Variants in RCC2 observed in about 807,000 individuals in gnomAD.
The protein encoded by RCC2 is protein RCC2.
Under a neutral mutation model 64.1 loss-of-function variants are expected in RCC2, and 19 were observed. The ratio of observed to expected loss-of-function variants is 0.30; its 90% CI spans 0.21 to 0.44. The LOEUF (loss-of-function observed/expected upper bound fraction) is 0.44, where lower values mean the gene tolerates loss of function less well. Among genes scored for constraint, RCC2 ranks in the 20% least tolerant of loss-of-function variants. The pLI is 1.00. For missense variants in RCC2, 508 were observed against 710.4 expected (o/e 0.72, Z 3.24); for synonymous variants, 325 against 279.6 (o/e 1.16, Z -1.62).
chr1:17,433,007 C>A (rs541098187), intron 2 of RCC2, among the ~76,000 whole-genome samples: 6 of 152,020 alleles, frequency 3.9e-5, no homozygotes, highest in Non-Finnish European at 8.8e-5. Flanking sequence ...TATACACTCA[C>A]ACACACATAT....
intron 6 of RCC2, 21 bp downstream of exon 6, chr1:17,422,182 C>A: frequency 1.3e-6 from 2 of 1,553,678 alleles, no homozygotes; most frequent in South Asian, 1.2e-5. Flanking sequence ...AGCCATGGAG[C>A]CGGAGCTGAG....
intron 4 of RCC2, among the ~76,000 whole-genome samples, chr1:17,424,760 C>T (rs530657646): frequency 4.6e-5 from 7 of 152,270 alleles, no homozygotes; most frequent in Admixed American, 2.0e-4. Context: ...CAATATGCCC[C>T]GCTGGAGGCA....
intron 6 of RCC2, among the ~76,000 whole-genome samples, chr1:17,421,487 C>CT (rs1357203314): frequency 6.6e-6 from 1 of 151,582 alleles, no homozygotes; most frequent in Non-Finnish European, 1.5e-5. Flanking sequence ...GAGCGAGACT[C>CT]TGTCTCCCCT....
At chr1:17,411,751 G>A (rs1219004393) in intron 11 of RCC2, among the ~76,000 whole-genome samples, 1 of 152,180 alleles carries the variant, frequency 6.6e-6, no homozygotes, top group Non-Finnish European at 1.5e-5. Flanking sequence ...GAAAAATGAA[G>A]AATGTCCTCA....
Position 17,422,793 on chromosome 1 carries a change from T to C in RCC2, c.567A>G (p.Arg189=), listed in dbSNP as rs1318619794. Reference sequence around the variant, plus strand: ...CCTCGATGAGTCTAGGGGCTTCTACTCTCTTGGTGTCACCATGTCCCAGCT... The same window carrying C: ...CCTCGATGAGTCTAGGGGCTTCTACCCTCTTGGTGTCACCATGTCCCAGCT... ...KGQLGHGDTK[R]VEAPRLIEGL... is the part of the protein sequence containing the mutation. Residue 189 remains arginine (R), a synonymous_variant, in exon 5 of 13, where the codon AGA becomes AGG. Coordinates refer to ENST00000375436, the MANE Select transcript of RCC2 (RefSeq NM_018715.4). The C allele has an allele frequency of 6.2e-7, 1 of 1,613,924 alleles. No homozygotes were observed. Among genetic ancestry groups the C allele is most frequent in the Non-Finnish European group, 8.5e-7 (1 of 1,179,970 alleles).
intron 2 of RCC2, among the ~76,000 whole-genome samples, chr1:17,432,724 T>C (rs2075695005): frequency 1.3e-5 from 2 of 152,304 alleles, no homozygotes; most frequent in African/African-American, 2.4e-5. Context: ...ACCTGGACAT[T>C]TGGTCAAGGG....
chr1:17,420,061 C>G (rs1481089243), intron 7 of RCC2, among the ~76,000 whole-genome samples: 2 of 152,178 alleles, frequency 1.3e-5, no homozygotes, highest in African/African-American at 4.8e-5. Context: ...GGAGGCCTCC[C>G]CAGAGGGGCT....
chr1:17,422,935 C>T, intron 4 of RCC2, 99 bp from the exon 5 acceptor site: 2 of 1,475,328 alleles, frequency 1.4e-6, no homozygotes, highest in South Asian at 1.2e-5. Flanking sequence ...TGATGCCCAT[C>T]TGTCTCTGGA....
intron 2 of RCC2, among the ~76,000 whole-genome samples, chr1:17,431,333 CAAAAAAAAAAA>C (rs1168877538): frequency 1.0e-4 from 1 of 9,658 alleles, no homozygotes; most frequent in Non-Finnish European, 2.0e-4. Flanking sequence ...GACTCCATCT[CAAAAAAAAAAA>C]AAAAAAAAAA....
intron 3 of RCC2, among the ~76,000 whole-genome samples, chr1:17,428,878 G>T (rs1250631816): frequency 1.3e-5 from 2 of 152,214 alleles, no homozygotes; most frequent in Non-Finnish European, 2.9e-5. Flanking sequence ...GTATTTTCCT[G>T]ATTAATCTTA....
chr1:17,438,645 C>T, intron 1 of RCC2, 123 bp from the exon 2 acceptor site: 3 of 1,025,724 alleles, frequency 2.9e-6, no homozygotes, highest in Non-Finnish European at 3.8e-6. Context: ...GTGGCGGCCG[C>T]AGGGTGGGCG....
At position 17,408,808 on chromosome 1, in the gene RCC2, G is replaced by C. The variant is rs1235470042; in HGVS notation, c.*282C>G. 2 of 345,180 alleles carry C rather than the reference G, an allele frequency of 5.8e-6. No homozygotes were observed. The highest frequency in any genetic ancestry group is 4.3e-5 in the African/African-American group (2 of 46,720). 21.4% of individuals were successfully genotyped at this position (345,180 alleles called of 1,614,324 possible). ...AAAACTTAAAAAAAAAAAAAACCTA[G>C]ATTGCTCAAAGTTTCTGCCTCTTTT... is the stretch of plus-strand genomic sequence containing the variant. On this transcript the variant is annotated 3_prime_UTR_variant, in exon 13 of 13. Transcript: ENST00000375436.
intron 4 of RCC2, among the ~76,000 whole-genome samples, chr1:17,423,148 T>C (rs555185853): frequency 1.7e-4 from 26 of 152,262 alleles, no homozygotes; most frequent in Non-Finnish European, 3.2e-4. Flanking sequence ...CAGGCGGGCA[T>C]GCTCGCAGAA....
chr1:17,416,083 G>T (rs183933740), intron 8 of RCC2, among the ~76,000 whole-genome samples: 1 of 113,736 alleles, frequency 8.8e-6, no homozygotes, highest in Non-Finnish European at 1.8e-5. Flanking sequence ...AAAAAAGGGG[G>T]GGGGGGCGGG....
chr1:17,437,318 G>A (rs1196679565), intron 2 of RCC2, among the ~76,000 whole-genome samples: 1 of 152,122 alleles, frequency 6.6e-6, no homozygotes, highest in Admixed American at 6.5e-5. Context: ...TGCTCTCTGG[G>A]GGTTATCTGA....
intron 9 of RCC2, 89 bp from the exon 10 acceptor site, chr1:17,413,267 G>A: frequency 9.8e-7 from 1 of 1,017,260 alleles, no homozygotes; most frequent in Non-Finnish European, 1.5e-6. Flanking sequence ...AAGAGGACGG[G>A]ATGGCAAACA....
chr1:17,421,892 G>A (rs942980473), intron 6 of RCC2, among the ~76,000 whole-genome samples: 1 of 152,098 alleles, frequency 6.6e-6, no homozygotes, highest in Non-Finnish European at 1.5e-5. Context: ...AGGTGTGGTG[G>A]CACATGCCTG....
chr1:17,415,137 C>G (rs1052294479), intron 8 of RCC2, among the ~76,000 whole-genome samples: 2 of 152,212 alleles, frequency 1.3e-5, no homozygotes, highest in Non-Finnish European at 2.9e-5. Flanking sequence ...AGGCCCTAAA[C>G]AAGAGCCAAC....
chr1:17,424,292 C>A (rs1032748968), intron 4 of RCC2, among the ~76,000 whole-genome samples: 2 of 152,178 alleles, frequency 1.3e-5, no homozygotes, highest in African/African-American at 4.8e-5. Context: ...GTCTTGATGG[C>A]GGGACATACA....
Sources: gnomAD v4.1 joint callset for allele counts (sites outside exome capture counted in the v4.1 genomes callset) on GRCh38, gnomAD v4.1.1 for gene constraint, MANE v1.5 for transcripts, NCBI Gene and HGNC (gene_info 2026-07-23, HGNC 2026-07-21) for gene names.